The following FAM169A variants were observed in gnomAD, a reference collection of about 807,000 sequenced individuals.
FAM169A encodes the protein family with sequence similarity 169 member A, also known as soluble lamin-associated protein of 75 kDa.
In FAM169A, 24 loss-of-function variants were observed where a neutral mutation model predicts 75.7. The ratio of observed to expected loss-of-function variants is 0.32; its 90% CI spans 0.23 to 0.45. The LOEUF (loss-of-function observed/expected upper bound fraction) is 0.45. FAM169A is among the 20% of genes least tolerant of loss of function. FAM169A has a pLI of 1.00. For synonymous variants in FAM169A, 271 were observed against 271.0 expected (o/e 1.00, Z 0.00); for missense variants, 673 against 784.0 (o/e 0.86, Z 1.69).
chr5:74,822,716 A>T (rs1747824978), intron 5 of FAM169A, among the ~76,000 whole-genome samples: 1 of 152,194 alleles, frequency 6.6e-6, no homozygotes, highest in Non-Finnish European at 1.5e-5. Context: ...TACCTCTTCC[A>T]TGTGCTCCAA....
rs201891320 is a variant in FAM169A at position 74,841,546 on chromosome 5, G to A, written c.131C>T (p.Thr44Met). 123 of 1,610,108 alleles carry A rather than the reference G, an allele frequency of 7.6e-5. No individual in the cohort carries two copies. The highest frequency in any genetic ancestry group is 9.3e-5 in the Non-Finnish European group (109 of 1,177,644). ...GACAATCACTGCAGAACACCTTACC[G>A]TAATATTGAGAAGAGAAAAACACTC... ...NPECFSLLNI[T>M]IPISLSNVGF... Residue 44 changes from threonine to methionine, a missense_variant and splice_region_variant, in exon 2 of 13, where the codon ACG becomes ATG. Transcript: ENST00000687041.
chr5:74,799,455 T>A, intron 10 of FAM169A: 1 of 1,612,242 alleles, frequency 6.2e-7, no homozygotes, highest in Non-Finnish European at 8.5e-7. Context: ...ATCCCAACAA[T>A]GTTTTGCTGG....
chr5:74,811,611 T>C (rs919800546), intron 6 of FAM169A, among the ~76,000 whole-genome samples: 3 of 152,246 alleles, frequency 2.0e-5, no homozygotes, highest in African/African-American at 7.2e-5. Context: ...AAATGTCAAC[T>C]GTTAGACTGA....
chr5:74,788,427 C>T (rs1023255958), intron 11 of FAM169A, among the ~76,000 whole-genome samples: 3 of 152,054 alleles, frequency 2.0e-5, no homozygotes, highest in South Asian at 4.1e-4. Flanking sequence ...TCAATCAGGC[C>T]GGGGGCGGTG....
chr5:74,781,463 G>C lies in FAM169A; in HGVS notation c.2010C>G (p.Thr670=). 1.2e-6 allele frequency: 2 copies of C among 1,611,748 alleles called. No individual in the cohort carries two copies. Among genetic ancestry groups the C allele is most frequent in the Non-Finnish European group, 8.5e-7 (1 of 1,178,548 alleles). ...KGPAKKKAKL[T] ...TATCATCCACTTTCTTCTTCCTTCA[G>C]GTCAGCTTAGCTTTCTTCTTAGCAG... Residue 670 remains threonine, a synonymous_variant, in exon 13 of 13, where the codon ACC becomes ACG. Coordinates refer to ENST00000687041, the MANE Select transcript of FAM169A (RefSeq NM_001376049.1).
intron 5 of FAM169A, among the ~76,000 whole-genome samples, chr5:74,819,170 G>A (rs1458198427): frequency 3.3e-5 from 5 of 150,950 alleles, no homozygotes; most frequent in Non-Finnish European, 5.9e-5. Flanking sequence ...AGCGAGCTGA[G>A]ATTGCACCAC....
chr5:74,790,341 G>A lies in FAM169A; in HGVS notation c.1260+5689C>T, dbSNP rs566633088. ...AAATCTTCCCAGTGGGCAGAACTTC[G>A]AGCAGTGCACCTGGTTGTGCACGTT... is the stretch of plus-strand genomic sequence containing the variant. On this transcript the variant is annotated intron_variant, in intron 11 of 12. Transcript: ENST00000687041. Among the ~76,000 whole-genome samples the A allele has an allele frequency of 2.3e-4, 35 of 152,166 alleles. 1 individual carries two copies. The highest frequency in any genetic ancestry group is 4.3e-4 in the Non-Finnish European group (29 of 68,034).
intron 11 of FAM169A, among the ~76,000 whole-genome samples, chr5:74,789,021 T>C (rs941531192): frequency 6.6e-6 from 1 of 152,246 alleles, no homozygotes; most frequent in East Asian, 1.9e-4. Flanking sequence ...TCTCCATTCC[T>C]GTCCATAAGG....
chr5:74,850,973 G>A (rs1172990815), intron 1 of FAM169A, among the ~76,000 whole-genome samples: 3 of 152,174 alleles, frequency 2.0e-5, no homozygotes, highest in African/African-American at 7.2e-5. Context: ...CTGGAGTGCA[G>A]TGGCACGAAC....
At chr5:74,842,377 C>T (rs1490465684) in intron 1 of FAM169A, among the ~76,000 whole-genome samples, 4 of 112,720 alleles carry the variant, frequency 3.5e-5, no homozygotes, top group South Asian at 3.0e-4. Flanking sequence ...GCCAAGACTG[C>T]ACCACTGCAC....
At position 74,804,569 on chromosome 5, in the gene FAM169A, C is replaced by G; in HGVS notation, c.836G>C (p.Gly279Ala). 6.2e-7 allele frequency: 1 copy of G among 1,611,432 alleles called. No individual in the cohort carries two copies. Among genetic ancestry groups the G allele is most frequent in the South Asian group, 1.1e-5 (1 of 90,618 alleles). The change falls in exon 8 of 13, where the codon GGA becomes GCA. Residue 279 changes from glycine to alanine, a missense_variant. Gly to Ala is a moderately conservative substitution (Grantham distance 60). Coordinates refer to ENST00000687041, the MANE Select transcript of FAM169A (RefSeq NM_001376049.1). ...SQNEPKRPMS[G>A]EYGPASVPEY... ...TGGAACAGATGCAGGACCATATTCTCCAGACATAGGTCTTTTAGGTTCATT... is the reference window on the plus strand; with the variant it reads ...TGGAACAGATGCAGGACCATATTCTGCAGACATAGGTCTTTTAGGTTCATT...
Position 74,866,318 on chromosome 5 carries a change from G to T in FAM169A, c.-157C>A. On this transcript the variant is annotated 5_prime_UTR_variant, in exon 1 of 13. Transcript: ENST00000687041. ...GGGCGAGTGCGGCTGCCTCCCGCTC[G>T]CCCCGGACGCCCGGCTCCTCGTCGC... 1 of 984,376 alleles carries T rather than the reference G, an allele frequency of 1.0e-6. No homozygotes were observed. The highest frequency in any genetic ancestry group is 1.2e-6 in the Non-Finnish European group (1 of 829,552). 61.0% of individuals were successfully genotyped at this position (984,376 alleles called of 1,614,324 possible). A position where few individuals can be genotyped will look rare whatever the true frequency, so the allele number is the denominator to read the frequency against.
intron 2 of FAM169A, among the ~76,000 whole-genome samples, chr5:74,840,483 T>C (rs2112671846): frequency 6.6e-6 from 1 of 150,532 alleles, no homozygotes; most frequent in East Asian, 2.0e-4. Context: ...TAATTTATCA[T>C]CTGTTATTTA....
In FAM169A at chr5:74,800,912, G is replaced by C. The variant is rs372048094; in HGVS notation, c.1071C>G (p.Thr357=). Residue 357 remains threonine, a synonymous_variant, in exon 10 of 13, where the codon ACC becomes ACG. Transcript: ENST00000687041. ...FSSSQGEDEK[T]SQTSLTASIN... is the part of the protein sequence containing the mutation. ...TTGAAGCTGTAAGTGAAGTCTGGGA[G>C]GTCTTTTCATCTTCACCTTGAGAAC... 11 of 1,502,268 alleles carry C rather than the reference G, an allele frequency of 7.3e-6. No homozygotes were observed. The highest frequency in any genetic ancestry group is 9.8e-6 in the Non-Finnish European group (11 of 1,121,710). The allele number at this position is 1,502,268 out of a possible 1,614,324, so 93.1% of individuals were successfully genotyped here. A position where few individuals can be genotyped will look rare whatever the true frequency, so the allele number is the denominator to read the frequency against.
At chr5:74,782,800 A>G in intron 12 of FAM169A, 131 bp downstream of exon 12, 1 of 544,092 alleles carries the variant, frequency 1.8e-6, no homozygotes, top group South Asian at 3.3e-5. Flanking sequence ...TATCAAATCT[A>G]GTATAAAAGT....
chr5:74,838,829 C>T (rs57202395), intron 4 of FAM169A, 136 bp downstream of exon 4: 84,507 of 691,596 alleles, frequency 0.12, 5,985 homozygotes, highest in African/African-American at 0.23. Flanking sequence ...CTGGCTTCAT[C>T]GTAAGAATGA....
chr5:74,838,784 A>AAT (rs1361053824), intron 4 of FAM169A, among the ~76,000 whole-genome samples, 181 bp downstream of exon 4: 1 of 152,220 alleles, frequency 6.6e-6, no homozygotes, highest in Non-Finnish European at 1.5e-5. Flanking sequence ...ATACTTATAG[A>AAT]ATCACATAAA....
At chr5:74,826,636 T>TA (rs1348094996) in intron 5 of FAM169A, among the ~76,000 whole-genome samples, 14 of 152,208 alleles carry the variant, frequency 9.2e-5, no homozygotes, top group Non-Finnish European at 2.1e-4. Flanking sequence ...TGTTGACTTT[T>TA]AAAAAACTAT....
Position 74,805,524 on chromosome 5 carries a change from C to CTTTTTTTTTTTTTTTTTTTT in FAM169A, c.671-260_671-241dup, listed in dbSNP as rs1194674402. On this transcript the variant is annotated intron_variant, in intron 6 of 12. Transcript: ENST00000687041. ...AAAAATCCTTTAAAAATGTGCTTCG[C>CTTTTTTTTTTTTTTTTTTTT]TTTTTTTTTTTTTTTTTTTTTTTGG... 1.6e-4 allele frequency among the ~76,000 whole-genome samples: 13 copies of CTTTTTTTTTTTTTTTTTTTT among 81,924 alleles called. 2 individuals are homozygous for CTTTTTTTTTTTTTTTTTTTT. The highest frequency in any genetic ancestry group is 6.0e-4 in the African/African-American group (11 of 18,436). 53.7% of individuals were successfully genotyped at this position (81,924 alleles called of 152,430 possible).
Sources: gnomAD v4.1 joint callset for allele counts (sites outside exome capture counted in the v4.1 genomes callset) on GRCh38, gnomAD v4.1.1 for gene constraint, MANE v1.5 for transcripts, NCBI Gene and HGNC (gene_info 2026-07-23, HGNC 2026-07-21) for gene names.